Variants in DPP10 observed in about 807,000 individuals in gnomAD.
DPP10 encodes dipeptidyl peptidase like 10.
DPP10 carries 33 observed loss-of-function variants against 120.9 expected under a neutral mutation model. The ratio of observed to expected loss-of-function variants is 0.27; its 90% CI spans 0.21 to 0.37. DPP10 has a LOEUF of 0.37. Among genes scored for constraint, DPP10 ranks in the 10% least tolerant of loss-of-function variants. DPP10 has a pLI of 1.00. For missense variants in DPP10, 816 were observed against 942.8 expected (o/e 0.87, Z 1.76); for synonymous variants, 337 against 326.1 (o/e 1.03, Z -0.36).
At chr2:115,414,144 C>A (rs1441036734) in intron 3 of DPP10, among the ~76,000 whole-genome samples, 1 of 152,004 alleles carries the variant, frequency 6.6e-6, no homozygotes, top group Non-Finnish European at 1.5e-5. Context: ...AATTTCTATC[C>A]CCCAAATTGT....
At chr2:114,763,057 T>A (rs1574130401) in intron 1 of DPP10, among the ~76,000 whole-genome samples, 1 of 152,216 alleles carries the variant, frequency 6.6e-6, no homozygotes, top group East Asian at 1.9e-4. Flanking sequence ...TGAGACTTTC[T>A]AGGTGAGGAT....
chr2:114,466,167 G>T (rs1549731), intron 1 of DPP10, among the ~76,000 whole-genome samples: 1 of 152,092 alleles, frequency 6.6e-6, no homozygotes, highest in Non-Finnish European at 1.5e-5. Flanking sequence ...ACTAAAACTT[G>T]TTTGGGAGAG....
At chr2:115,717,130 A>G (rs935619141) in intron 7 of DPP10, among the ~76,000 whole-genome samples, 1 of 152,206 alleles carries the variant, frequency 6.6e-6, no homozygotes, top group African/African-American at 2.4e-5. Flanking sequence ...AAAGAGTAGT[A>G]AATTCAGCTC....
intron 1 of DPP10, among the ~76,000 whole-genome samples, chr2:114,983,460 G>A (rs1700208367): frequency 6.6e-6 from 1 of 152,120 alleles, no homozygotes; most frequent in South Asian, 2.1e-4. Flanking sequence ...CATTCTTATT[G>A]AAATATAGGA....
At chr2:114,473,861 TTACA>T (rs577030675) in intron 1 of DPP10, among the ~76,000 whole-genome samples, 56 of 152,266 alleles carry the variant, frequency 3.7e-4, no homozygotes, top group East Asian at 5.8e-4. Context: ...ATATTTATAC[TTACA>T]TACATACATA....
At chr2:115,361,898 T>A (rs1184224846) in intron 3 of DPP10, among the ~76,000 whole-genome samples, 4 of 152,122 alleles carry the variant, frequency 2.6e-5, no homozygotes, top group Non-Finnish European at 2.9e-5. Context: ...CTTGGCTGCA[T>A]CTAGTCAGCT....
chr2:115,460,443 A>C (rs2073921487), intron 3 of DPP10, among the ~76,000 whole-genome samples: 1 of 152,132 alleles, frequency 6.6e-6, no homozygotes, highest in Non-Finnish European at 1.5e-5. Context: ...TTGTGTTTTA[A>C]AACACTTATT....
intron 1 of DPP10, among the ~76,000 whole-genome samples, chr2:115,206,430 G>A (rs11123288): frequency 0.31 from 46,983 of 151,980 alleles, 7,984 homozygotes; most frequent in East Asian, 0.56. Flanking sequence ...AGAAACTGCC[G>A]AGTAGGTTCC....
At chr2:115,152,656 T>C (rs10211479) in intron 1 of DPP10, among the ~76,000 whole-genome samples, 14,180 of 152,148 alleles carry the variant, frequency 0.093, 2,187 homozygotes, top group African/African-American at 0.32. Context: ...TTTTATTATG[T>C]CTATTCAGTT....
At chr2:114,863,017 G>A (rs559736121) in intron 1 of DPP10, among the ~76,000 whole-genome samples, 5 of 152,048 alleles carry the variant, frequency 3.3e-5, no homozygotes, top group South Asian at 2.1e-4. Flanking sequence ...GGTAGAATTC[G>A]CAGTACATAT....
chr2:114,557,132 G>A (rs1277403825), intron 1 of DPP10, among the ~76,000 whole-genome samples: 3 of 152,162 alleles, frequency 2.0e-5, no homozygotes, highest in East Asian at 3.9e-4. Context: ...TGAGAAAAGT[G>A]TGGATGAATG....
intron 3 of DPP10, among the ~76,000 whole-genome samples, chr2:115,353,757 G>GT (rs1450897269): frequency 1.3e-5 from 2 of 152,226 alleles, no homozygotes; most frequent in African/African-American, 4.8e-5. Flanking sequence ...TGAGAAGCAG[G>GT]TTTTTTCCAC....
At chr2:114,784,018 C>T (rs1318678175) in intron 1 of DPP10, among the ~76,000 whole-genome samples, 1 of 151,972 alleles carries the variant, frequency 6.6e-6, no homozygotes, top group Non-Finnish European at 1.5e-5. Flanking sequence ...AAAAACCTGA[C>T]CTGCGCATGT....
chr2:115,805,397 G>A (rs927912466), intron 19 of DPP10, among the ~76,000 whole-genome samples: 38 of 152,056 alleles, frequency 2.5e-4, no homozygotes, highest in African/African-American at 8.2e-4. Context: ...GCGATGCCTC[G>A]CCCTGCTTTG....
chr2:114,983,065 C>G (rs183833078), intron 1 of DPP10, among the ~76,000 whole-genome samples: 1 of 152,126 alleles, frequency 6.6e-6, no homozygotes, highest in Admixed American at 6.5e-5. Context: ...CAACACTATT[C>G]AGAGCTAAGA....
chr2:115,346,131 C>A (rs962652748), intron 3 of DPP10, among the ~76,000 whole-genome samples: 1 of 152,072 alleles, frequency 6.6e-6, no homozygotes, highest in Non-Finnish European at 1.5e-5. Flanking sequence ...TTTATCCAAC[C>A]CAGATCTTTC....
chr2:114,770,968 G>T (rs997653701), intron 1 of DPP10, among the ~76,000 whole-genome samples: 4 of 152,046 alleles, frequency 2.6e-5, no homozygotes, highest in African/African-American at 9.7e-5. Context: ...TGGTGGAAAA[G>T]GTTTTATTGT....
chr2:115,647,990 A>T (rs1228710619), intron 5 of DPP10, among the ~76,000 whole-genome samples: 2 of 152,132 alleles, frequency 1.3e-5, no homozygotes, highest in African/African-American at 4.8e-5. Context: ...GTAAAGATTC[A>T]TATCACTTTT....
chr2:115,388,864 A>G (rs961879937), intron 3 of DPP10, among the ~76,000 whole-genome samples: 9 of 152,168 alleles, frequency 5.9e-5, no homozygotes, highest in African/African-American at 1.9e-4. Flanking sequence ...GATTGCAACA[A>G]TAGTCCAAAA....
Sources: allele counts gnomAD v4.1 joint callset (sites outside exome capture counted in the v4.1 genomes callset), GRCh38; gene constraint gnomAD v4.1.1; transcripts MANE v1.5; gene names NCBI Gene and HGNC (gene_info 2026-07-23, HGNC 2026-07-21).